GRXCR1: variants seen among roughly 807,000 people sequenced by gnomAD.
GRXCR1 encodes glutaredoxin domain-containing cysteine-rich protein 1.
A neutral mutation model predicts 27.3 loss-of-function variants in GRXCR1; 27 were observed. That is an observed-to-expected ratio of 0.99 (90% CI 0.73 to 1.37). GRXCR1 has a LOEUF of 1.37. GRXCR1 is among the 40% of genes most tolerant of loss of function. GRXCR1 has a pLI of 0.00. For synonymous variants in GRXCR1, 122 were observed against 131.1 expected (o/e 0.93, Z 0.47); for missense variants, 379 against 354.4 (o/e 1.07, Z -0.56).
chr4:42,949,299 A>T (rs1747823707), intron 1 of GRXCR1, among the ~76,000 whole-genome samples: 1 of 134,088 alleles, frequency 7.5e-6, no homozygotes, highest in African/African-American at 2.8e-5. Context: ...TGGGAGGTGG[A>T]GAGCTGAGAT....
At chr4:42,943,898 GT>G (rs1174444607) in intron 1 of GRXCR1, among the ~76,000 whole-genome samples, 4 of 151,972 alleles carry the variant, frequency 2.6e-5, no homozygotes, top group African/African-American at 9.7e-5. Flanking sequence ...ACTCTACAAT[GT>G]ATAGGACAGC....
At chr4:42,936,982 T>A (rs34939108) in intron 1 of GRXCR1, among the ~76,000 whole-genome samples, 1 of 151,814 alleles carries the variant, frequency 6.6e-6, no homozygotes, top group Non-Finnish European at 1.5e-5. Context: ...CTTTCCACAC[T>A]GTACTCTTTG....
At chr4:42,957,217 A>G (rs1175332811) in intron 1 of GRXCR1, among the ~76,000 whole-genome samples, 3 of 152,114 alleles carry the variant, frequency 2.0e-5, no homozygotes, top group African/African-American at 7.2e-5. Context: ...AAGAGAAGGT[A>G]CCCACGCACT....
At chr4:42,958,375 A>G (rs1332169933) in intron 1 of GRXCR1, among the ~76,000 whole-genome samples, 2 of 152,018 alleles carry the variant, frequency 1.3e-5, no homozygotes, top group Non-Finnish European at 2.9e-5. Flanking sequence ...ATGCAAAAGA[A>G]TGAAATTGGA....
intron 1 of GRXCR1, among the ~76,000 whole-genome samples, chr4:42,903,313 T>A: frequency 8.4e-6 from 1 of 119,694 alleles, no homozygotes; most frequent in Non-Finnish European, 1.7e-5. Flanking sequence ...TGTAGATTTT[T>A]TTTTTTTTTT....
chr4:43,030,470 C>G lies in GRXCR1; in HGVS notation c.803C>G (p.Ser268Cys). The G allele has an allele frequency of 6.2e-7, 1 of 1,614,122 alleles. No homozygotes were observed. Among genetic ancestry groups the G allele is most frequent in the Non-Finnish European group, 8.5e-7 (1 of 1,179,994 alleles). The change falls in exon 4 of 4, where the codon TCT becomes TGT. Residue 268 changes from serine (S) to cysteine (C), a missense_variant. Physicochemically the swap from Ser to Cys is moderately radical, Grantham distance 112. Coordinates refer to ENST00000399770, the MANE Select transcript of GRXCR1 (RefSeq NM_001080476.3). ...MSMFRNCFTD[S>C]FKALKCTACN... The stretch of plus-strand genomic sequence containing the variant: ...ATGTTTCGAAACTGCTTCACAGACT[C>G]TTTCAAAGCCCTGAAGTGTACGGCT...
intron 1 of GRXCR1, among the ~76,000 whole-genome samples, chr4:42,903,150 G>GTGAGAGCTTATGAGAACTGAAACAGACC (rs1577898607): frequency 1.3e-5 from 2 of 149,592 alleles, no homozygotes; most frequent in Admixed American, 6.8e-5. Context: ...TAAACAGCTG[G>GTGAGAGCTTATGAGAACTGAAACAGACC]CTTTATAGTA....
intron 1 of GRXCR1, 58 bp from the exon 2 acceptor site, chr4:42,962,834 T>A: frequency 1.2e-6 from 2 of 1,603,120 alleles, no homozygotes. Context: ...TGTCTTAAAA[T>A]CATAAGACAC....
chr4:42,900,912 T>C (rs10517054), intron 1 of GRXCR1, among the ~76,000 whole-genome samples: 22,615 of 152,154 alleles, frequency 0.15, 2,092 homozygotes, highest in South Asian at 0.21. Flanking sequence ...ACTGTTCTTA[T>C]TCGCGTATCA....
At chr4:42,925,266 G>C (rs1747133034) in intron 1 of GRXCR1, among the ~76,000 whole-genome samples, 1 of 151,976 alleles carries the variant, frequency 6.6e-6, no homozygotes, top group South Asian at 2.1e-4. Context: ...GAGAGAGTTG[G>C]TGAAGAATTG....
chr4:43,028,769 TAA>T (rs1451877708), intron 3 of GRXCR1, among the ~76,000 whole-genome samples: 2 of 152,242 alleles, frequency 1.3e-5, no homozygotes, highest in African/African-American at 4.8e-5. Flanking sequence ...ATCCTTTTTT[TAA>T]GTCAATTCTT....
chr4:42,998,006 T>C (rs534542233), intron 2 of GRXCR1, among the ~76,000 whole-genome samples: 1 of 152,324 alleles, frequency 6.6e-6, no homozygotes, highest in Admixed American at 6.5e-5. Flanking sequence ...AAGAGAATAA[T>C]ACTTTTTTAA....
At chr4:43,010,660 C>T (rs1372493639) in intron 2 of GRXCR1, among the ~76,000 whole-genome samples, 1 of 151,580 alleles carries the variant, frequency 6.6e-6, no homozygotes, top group Non-Finnish European at 1.5e-5. Flanking sequence ...AGGGTAGTTC[C>T]AATAAGAGAT....
chr4:42,998,014 T>A (rs1045025862), intron 2 of GRXCR1, among the ~76,000 whole-genome samples: 4 of 152,218 alleles, frequency 2.6e-5, no homozygotes, highest in African/African-American at 7.2e-5. Flanking sequence ...AATACTTTTT[T>A]AAAAGCGTAT....
rs373672727 is a variant in GRXCR1 at position 43,025,975 on chromosome 4, CAA to C, written c.694-4370_694-4369del. ...TGGGAAACAGAGCGAAACTCCGTCT[CAA>C]AAAAAAAAAAAAAAAGTGGAAGTCA... On this transcript the variant is annotated intron_variant, in intron 3 of 3. Transcript: ENST00000399770. 3.2e-4 allele frequency among the ~76,000 whole-genome samples: 29 copies of C among 89,688 alleles called. No individual in the cohort carries two copies. In the East Asian group the frequency reaches 3.6e-3, roughly 11 times the overall value. 58.8% of individuals were successfully genotyped at this position (89,688 alleles called of 152,430 possible).
chr4:42,951,397 A>G (rs1390204142), intron 1 of GRXCR1, among the ~76,000 whole-genome samples: 4 of 152,152 alleles, frequency 2.6e-5, no homozygotes, highest in African/African-American at 7.2e-5. Flanking sequence ...GACACATAAC[A>G]TTAACCATCA....
intron 1 of GRXCR1, among the ~76,000 whole-genome samples, chr4:42,942,920 T>C (rs1225267204): frequency 2.0e-5 from 3 of 152,086 alleles, no homozygotes; most frequent in Non-Finnish European, 1.5e-5. Flanking sequence ...ACTTTGTAGA[T>C]ATGATGCCAT....
Position 43,030,560 on chromosome 4 carries a change from A to C in GRXCR1, c.*20A>C. ...GGTTAATTGGAGCTTCTACCCAGGA[A>C]AAACCTCATTTTATTAATCAAAGGC... On this transcript the variant is annotated 3_prime_UTR_variant, in exon 4 of 4. Coordinates refer to ENST00000399770, the MANE Select transcript of GRXCR1 (RefSeq NM_001080476.3). 2 of 1,606,162 alleles carry C rather than the reference A, an allele frequency of 1.2e-6. No individual in the cohort carries two copies. Among genetic ancestry groups the C allele is most frequent in the Non-Finnish European group, 1.7e-6 (2 of 1,172,660 alleles).
intron 1 of GRXCR1, among the ~76,000 whole-genome samples, chr4:42,901,756 A>AT (rs1190050074): frequency 2.6e-5 from 4 of 152,164 alleles, no homozygotes; most frequent in Middle Eastern, 3.4e-3. Flanking sequence ...CATTGGCTTC[A>AT]TTTTTTCCTG....
Sources: allele counts gnomAD v4.1 joint callset (sites outside exome capture counted in the v4.1 genomes callset), GRCh38; gene constraint gnomAD v4.1.1; transcripts MANE v1.5; gene names NCBI Gene and HGNC (gene_info 2026-07-23, HGNC 2026-07-21).